STK4: variants seen among roughly 807,000 people sequenced by gnomAD.
The protein encoded by STK4 is serine/threonine-protein kinase 4.
STK4 carries 30 observed loss-of-function variants against 64.9 expected under a neutral mutation model. That is an observed-to-expected ratio of 0.46 (90% CI 0.35 to 0.63). STK4 has a LOEUF of 0.63. STK4 is among the 20% of genes least tolerant of loss of function. The pLI, the probability that STK4 is intolerant of heterozygous loss-of-function variation, is 0.01. For missense variants in STK4, 466 were observed against 598.5 expected (o/e 0.78, Z 2.31); for synonymous variants, 177 against 199.0 (o/e 0.89, Z 0.93).
chr20:45,043,610 T>C (rs2068647394), intron 10 of STK4, among the ~76,000 whole-genome samples: 1 of 152,198 alleles, frequency 6.6e-6, no homozygotes, highest in African/African-American at 2.4e-5. Flanking sequence ...ACAGATTGAG[T>C]ATCCCAAACC....
At chr20:45,003,797 A>G (rs1008051137) in intron 9 of STK4, among the ~76,000 whole-genome samples, 2 of 145,860 alleles carry the variant, frequency 1.4e-5, no homozygotes, top group Non-Finnish European at 3.0e-5. Flanking sequence ...GCTCACAGCA[A>G]CCTCCACCTC....
chr20:44,987,001 G>T, intron 4 of STK4, 131 bp from the exon 5 acceptor site: 1 of 668,240 alleles, frequency 1.5e-6, no homozygotes, highest in Non-Finnish European at 2.4e-6. Flanking sequence ...TATGGTATAA[G>T]CAGTCAAATG....
At chr20:44,993,232 T>C (rs1200894750) in intron 5 of STK4, among the ~76,000 whole-genome samples, 1 of 137,570 alleles carries the variant, frequency 7.3e-6, no homozygotes, top group East Asian at 2.0e-4. Context: ...TTATTATATA[T>C]ACATATATAT....
At chr20:44,977,099 G>A (rs1464564457) in intron 2 of STK4, among the ~76,000 whole-genome samples, 1 of 152,148 alleles carries the variant, frequency 6.6e-6, no homozygotes, top group Non-Finnish European at 1.5e-5. Context: ...CTCCTGGGAC[G>A]AAGCACATCA....
At chr20:44,990,517 G>A (rs1357956649) in intron 5 of STK4, among the ~76,000 whole-genome samples, 1 of 151,934 alleles carries the variant, frequency 6.6e-6, no homozygotes, top group Non-Finnish European at 1.5e-5. Context: ...TTGGCTGTTT[G>A]GTTGTGAAAC....
chr20:45,051,042 T>A (rs2068768738), intron 10 of STK4, among the ~76,000 whole-genome samples: 1 of 152,224 alleles, frequency 6.6e-6, no homozygotes, highest in African/African-American at 2.4e-5. Context: ...GTGGCTTGTT[T>A]TTACAGATAG....
At chr20:45,046,103 A>G (rs1048578534) in intron 10 of STK4, among the ~76,000 whole-genome samples, 2 of 152,066 alleles carry the variant, frequency 1.3e-5, no homozygotes, top group African/African-American at 4.8e-5. Context: ...CACCGCACCT[A>G]GCCAGAAAAT....
rs551308902 is a variant in STK4, at chr20:44,982,041, CTG to C, written c.360+100_360+101del. On this transcript the variant is annotated intron_variant, in intron 4 of 10. Transcript: ENST00000372806. ...GGGCATTCTCCTACTAGAGAGACGA[CTG>C]TCAGATTTCCCCTTTTCCATGGTTA... 54 of 739,734 alleles carry C rather than the reference CTG, an allele frequency of 7.3e-5. No individual in the cohort carries two copies. The East Asian group carries it at 1.5e-3, about 21-fold the overall frequency. 45.8% of individuals were successfully genotyped at this position (739,734 alleles called of 1,614,324 possible).
intron 10 of STK4, among the ~76,000 whole-genome samples, chr20:45,050,940 A>G (rs1032626783): frequency 1.3e-5 from 2 of 152,172 alleles, no homozygotes; most frequent in Admixed American, 6.5e-5. Flanking sequence ...TAAGGTAGCA[A>G]TCGAGCTTTA....
intron 10 of STK4, among the ~76,000 whole-genome samples, chr20:45,031,982 A>G (rs2068452749): frequency 6.6e-6 from 1 of 152,082 alleles, no homozygotes; most frequent in African/African-American, 2.4e-5. Context: ...TATGTTTTAT[A>G]CTGTTAAAAG....
intron 5 of STK4, among the ~76,000 whole-genome samples, chr20:44,988,557 A>G (rs1005147790): frequency 1.3e-4 from 15 of 115,460 alleles, no homozygotes; most frequent in Non-Finnish European, 2.3e-4. Context: ...ATATATATAT[A>G]TATATATATA....
intron 4 of STK4, among the ~76,000 whole-genome samples, chr20:44,984,991 G>GTGGTTCCCATTATATTTC (rs2067507703): frequency 1.3e-5 from 2 of 152,052 alleles, no homozygotes; most frequent in Non-Finnish European, 2.9e-5. Flanking sequence ...AATTATATTT[G>GTGGTTCCCATTATATTTC]TGGTTCCCAT....
intron 9 of STK4, among the ~76,000 whole-genome samples, chr20:45,023,334 C>G (rs1375057528): frequency 2.0e-5 from 3 of 152,130 alleles, no homozygotes; most frequent in Non-Finnish European, 4.4e-5. Flanking sequence ...AGAAAAATGA[C>G]AAATGTTCTG....
At chr20:45,009,341 G>T (rs2068004937) in intron 9 of STK4, among the ~76,000 whole-genome samples, 1 of 152,120 alleles carries the variant, frequency 6.6e-6, no homozygotes, top group African/African-American at 2.4e-5. Flanking sequence ...AGATTAGCTG[G>T]TTGTAGGTGT....
chr20:44,967,918 A>G (rs1187275372), intron 1 of STK4, among the ~76,000 whole-genome samples: 1 of 152,226 alleles, frequency 6.6e-6, no homozygotes, highest in Non-Finnish European at 1.5e-5. Flanking sequence ...GTCCTGCTGA[A>G]GCATATGAAA....
intron 10 of STK4, among the ~76,000 whole-genome samples, chr20:45,050,692 T>C (rs1428951119): frequency 1.3e-5 from 2 of 152,172 alleles, no homozygotes; most frequent in Non-Finnish European, 2.9e-5. Flanking sequence ...GGTAAAGATA[T>C]TCTGCTAGAA....
chr20:45,015,266 A>G (rs918726341), intron 9 of STK4, among the ~76,000 whole-genome samples: 4 of 152,190 alleles, frequency 2.6e-5, no homozygotes, highest in Non-Finnish European at 5.9e-5. Context: ...TAAGATAGGA[A>G]TTCTTGACTC....
chr20:45,079,157 A>T lies in STK4; in HGVS notation c.*3981A>T, dbSNP rs1980738833. Reference sequence around the variant, plus strand: ...CTGAGCCCAGGGAGGTCAAGGATGCAGTGAGCCATGGTCTCACCACTGCAC... The same window carrying T: ...CTGAGCCCAGGGAGGTCAAGGATGCTGTGAGCCATGGTCTCACCACTGCAC... On this transcript the variant is annotated 3_prime_UTR_variant, in exon 11 of 11. Transcript: ENST00000372806. The T allele has an allele frequency of 6.6e-6, 1 of 152,150 alleles. No homozygotes were observed. Among genetic ancestry groups the T allele is most frequent in the African/African-American group, 2.4e-5 (1 of 41,400 alleles). 9.4% of individuals were successfully genotyped at this position (152,150 alleles called of 1,614,324 possible).
intron 10 of STK4, among the ~76,000 whole-genome samples, chr20:45,067,945 T>C (rs557260193): frequency 5.9e-5 from 9 of 152,332 alleles, no homozygotes; most frequent in Admixed American, 2.6e-4. Context: ...CTGTACCGTG[T>C]TGTGAGCTCA....
Sources: gnomAD v4.1 joint callset for allele counts (sites outside exome capture counted in the v4.1 genomes callset) on GRCh38, gnomAD v4.1.1 for gene constraint, MANE v1.5 for transcripts, NCBI Gene and HGNC (gene_info 2026-07-23, HGNC 2026-07-21) for gene names.